SHROOM3: variants seen among roughly 807,000 people sequenced by gnomAD.
SHROOM3 encodes the protein protein Shroom3.
In SHROOM3, 47 loss-of-function variants were observed where a neutral mutation model predicts 138.6. The ratio of observed to expected loss-of-function variants is 0.34; its 90% confidence interval spans 0.27 to 0.43. SHROOM3 has a LOEUF of 0.43. SHROOM3 is among the 20% of genes least tolerant of loss of function. The probability of loss-of-function intolerance (pLI) is 1.00; values close to 1 mark genes in which losing one functional copy is unlikely to be tolerated. For missense variants in SHROOM3, 2,491 were observed against 2,596.5 expected (o/e 0.96, Z 0.88); for synonymous variants, 1,062 against 1,063.3 (o/e 1.00, Z 0.02).
chr4:76,546,769 A>C (rs897469222), intron 1 of SHROOM3, among the ~76,000 whole-genome samples: 9 of 152,304 alleles, frequency 5.9e-5, no homozygotes, highest in African/African-American at 1.7e-4. Context: ...ACAGCAAATG[A>C]TTTGTAGGTT....
At chr4:76,486,674 C>A (rs1277601641) in intron 1 of SHROOM3, among the ~76,000 whole-genome samples, 3 of 152,192 alleles carry the variant, frequency 2.0e-5, no homozygotes, top group African/African-American at 7.2e-5. Flanking sequence ...TTGTACTCTG[C>A]ATGACTCCTG....
intron 2 of SHROOM3, among the ~76,000 whole-genome samples, chr4:76,674,523 CTCTT>C (rs1187522345): frequency 2.9e-4 from 42 of 142,830 alleles, no homozygotes; most frequent in African/African-American, 6.1e-4. Context: ...CTCTCTCTTT[CTCTT>C]TCTTTCTTTC....
At chr4:76,436,528 T>A (rs1052775854) in intron 1 of SHROOM3, among the ~76,000 whole-genome samples, 9 of 152,234 alleles carry the variant, frequency 5.9e-5, no homozygotes, top group African/African-American at 1.9e-4. Flanking sequence ...TAAAGATTAA[T>A]AACATGGTTA....
At chr4:76,679,301 C>T (rs1420735581) in intron 2 of SHROOM3, among the ~76,000 whole-genome samples, 1 of 152,180 alleles carries the variant, frequency 6.6e-6, no homozygotes, top group Non-Finnish European at 1.5e-5. Flanking sequence ...TAGTGTCTTC[C>T]ATCCCAGGTC....
At chr4:76,449,525 A>T (rs1166381808) in intron 1 of SHROOM3, among the ~76,000 whole-genome samples, 3 of 152,220 alleles carry the variant, frequency 2.0e-5, no homozygotes, top group Non-Finnish European at 4.4e-5. Flanking sequence ...GCCAAATTCC[A>T]CACAAGAAGC....
Position 76,555,664 on chromosome 4 carries a change from A to G in SHROOM3, c.224A>G (p.Glu75Gly). 1 of 1,614,110 alleles carries G rather than the reference A, an allele frequency of 6.2e-7. No individual in the cohort carries two copies. Among genetic ancestry groups the G allele is most frequent in the Non-Finnish European group, 8.5e-7 (1 of 1,180,008 alleles). The change falls in exon 2 of 11, where the codon GAG (glutamate) becomes GGG (glycine). Residue 75 changes from glutamate (E) to glycine (G), a missense_variant. Around this residue, in one of 4 missense-constraint regions of SHROOM3, gnomAD observed 284 missense variants for 322.8 expected, o/e 0.88. Transcript: ENST00000296043. ...TLSSKLQAGD[E>G]VVHINEVTLS... ...AGCTCCAAACTGCAGGCTGGGGATG[A>G]GGTTGTGCACATCAATGAGGTGACT...
rs574578446 is a variant in SHROOM3 at position 76,552,061 on chromosome 4, C to G, written c.169-3548C>G. Reference sequence around the variant, plus strand: ...TATCTTTAGTAGAGACGGGGTTTCACCGTGTTAGCCAGGATGGACTCGATC... The same window carrying G: ...TATCTTTAGTAGAGACGGGGTTTCAGCGTGTTAGCCAGGATGGACTCGATC... On this transcript the variant is annotated intron_variant, in intron 1 of 10. Coordinates refer to ENST00000296043, the MANE Select transcript of SHROOM3 (RefSeq NM_020859.4). Among the ~76,000 whole-genome samples the G allele has an allele frequency of 7.2e-5, 10 of 139,538 alleles. No homozygotes were observed. The South Asian group carries it at 1.6e-3, about 23-fold the overall frequency. 91.5% of individuals were successfully genotyped at this position (139,538 alleles called of 152,430 possible).
intron 1 of SHROOM3, among the ~76,000 whole-genome samples, chr4:76,454,698 A>T: frequency 6.6e-6 from 1 of 152,166 alleles, no homozygotes; most frequent in Non-Finnish European, 1.5e-5. Context: ...TTATTTCTGC[A>T]GTAAATGTCA....
Position 76,739,234 on chromosome 4 carries a change from A to C in SHROOM3, c.1061A>C (p.Lys354Thr). Residue 354 changes from lysine to threonine, a missense_variant, in exon 5 of 11, where the codon AAG becomes ACG. By Grantham distance (78) the Lys-to-Thr change is moderately conservative. This residue lies in a region of SHROOM3 where 1,733 missense variants were observed against 1,661.6 expected (regional missense o/e 1.04). Transcript: ENST00000296043. ...YDKWSNIPRG[K>T]GVPPPSWSQQ... ...AAATGGTCTAATATTCCTCGGGGCA[A>C]GGGAGTGCCACCCCCATCCTGGAGC... 6.2e-7 allele frequency: 1 copy of C among 1,614,102 alleles called. No individual in the cohort carries two copies. Among genetic ancestry groups the C allele is most frequent in the African/African-American group, 1.3e-5 (1 of 75,056 alleles).
rs1270077834 is a variant in SHROOM3 at position 76,770,720 on chromosome 4, G to A, written c.5444G>A (p.Gly1815Glu). Reference sequence around the variant, plus strand: ...GACATCAAGCTCAACAACGCCCTGGGAGAAGAGGTGGAGGCTCTGATCAGC... The same window carrying A: ...GACATCAAGCTCAACAACGCCCTGGAAGAAGAGGTGGAGGCTCTGATCAGC... Reference protein sequence around the residue: ...LTDIKLNNALGEEVEALISEL... With the variant: ...LTDIKLNNALEEEVEALISEL... Residue 1815 changes from glycine to glutamate, a missense_variant, in exon 10 of 11, where the codon GGA (glycine) becomes GAA (glutamate). Physicochemically the swap from Gly to Glu is moderately conservative, Grantham distance 98. Transcript: ENST00000296043. 1.2e-6 allele frequency: 2 copies of A among 1,614,082 alleles called. No individual in the cohort carries two copies. Among genetic ancestry groups the A allele is most frequent in the Non-Finnish European group, 1.7e-6 (2 of 1,180,046 alleles).
chr4:76,674,756 T>C (rs1366363707), intron 2 of SHROOM3, among the ~76,000 whole-genome samples: 1 of 152,020 alleles, frequency 6.6e-6, no homozygotes, highest in African/African-American at 2.4e-5. Context: ...GGTTTCTCCA[T>C]GTTGCCCAGG....
At position 76,459,315 on chromosome 4, in the gene SHROOM3, T is replaced by C. The variant is rs556021282; in HGVS notation, c.168+23095T>C. Reference sequence around the variant, plus strand: ...CTTTGGGAGTTTTTAACGCTAGGTTTTTCAAAGACTACATTCCTCATTAGA... The same window carrying C: ...CTTTGGGAGTTTTTAACGCTAGGTTCTTCAAAGACTACATTCCTCATTAGA... On this transcript the variant is annotated intron_variant, in intron 1 of 10. Transcript: ENST00000296043. Among the ~76,000 whole-genome samples the C allele has an allele frequency of 2.1e-3, 319 of 152,302 alleles. 3 individuals carry two copies. The highest frequency in any genetic ancestry group is 2.9e-3 in the Non-Finnish European group (200 of 68,034).
rs1409487900 is a variant in SHROOM3 at position 76,710,179 on chromosome 4, A to G, written c.347A>G (p.His116Arg). 2 of 1,614,150 alleles carry G rather than the reference A, an allele frequency of 1.2e-6. No homozygotes were observed. The highest frequency in any genetic ancestry group is 1.3e-5 in the African/African-American group (1 of 75,038). Residue 116 changes from histidine (H) to arginine (R), a missense_variant, in exon 3 of 11, where the codon CAT (histidine) becomes CGT (arginine). Coordinates refer to ENST00000296043, the MANE Select transcript of SHROOM3 (RefSeq NM_020859.4). ...AGAGATGTGTGCACAGACCCAGGCC[A>G]TGCAGATACTGGTGCCTCTAACTTC... ...VRRDVCTDPG[H>R]ADTGASNFVS...
At position 76,435,476 on chromosome 4, in the gene SHROOM3, A is replaced by G. The variant is rs1176637540; in HGVS notation, c.-577A>G. 6.6e-6 allele frequency: 1 copy of G among 152,244 alleles called. No individual in the cohort carries two copies. Among genetic ancestry groups the G allele is most frequent in the Admixed American group, 6.5e-5 (1 of 15,276 alleles). The allele number at this position is 152,244 out of a possible 1,614,324, so 9.4% of individuals were successfully genotyped here. A position where few individuals can be genotyped will look rare whatever the true frequency, so the allele number is the denominator to read the frequency against. ...AGCACAGCTTCTCTGTCTCTTCGGG[A>G]CAAGTTAGAAAATTCTGAAGTGAGC... On this transcript the variant is annotated 5_prime_UTR_variant, in exon 1 of 11. Coordinates refer to ENST00000296043, the MANE Select transcript of SHROOM3 (RefSeq NM_020859.4).
At chr4:76,520,421 CTA>C (rs149684111) in intron 1 of SHROOM3, among the ~76,000 whole-genome samples, 2 of 150,684 alleles carry the variant, frequency 1.3e-5, no homozygotes, top group Non-Finnish European at 3.0e-5. Context: ...GTGTTCTAAG[CTA>C]TATATATATA....
rs148643378 is a variant in SHROOM3 at position 76,627,227 on chromosome 4, G to A, written c.323+71464G>A. Among the ~76,000 whole-genome samples the A allele has an allele frequency of 8.0e-4, 122 of 152,216 alleles. 2 individuals are homozygous for A. The East Asian group carries it at 0.023, about 28-fold the overall frequency. ...ACTTCCAGACTCAGGAGGTTAACAC[G>A]TGAACTTCTGGAGAGCAGCCTGCAG... On this transcript the variant is annotated intron_variant, in intron 2 of 10. Transcript: ENST00000296043.
At chr4:76,748,814 CTTTTTTTTTTTT>C (rs34047499) in intron 5 of SHROOM3, among the ~76,000 whole-genome samples, 191 bp from the exon 6 acceptor site, 1 of 100,574 alleles carries the variant, frequency 9.9e-6, no homozygotes, top group East Asian at 2.7e-4. Context: ...TCTGACTCTG[CTTTTTTTTTTTT>C]TTTTTTTTTT....
rs1016882654 is a variant in SHROOM3 at position 76,568,766 on chromosome 4, T to A, written c.323+13003T>A. Among the ~76,000 whole-genome samples the A allele has an allele frequency of 5.1e-4, 78 of 152,174 alleles. 1 individual carries two copies. Among genetic ancestry groups the A allele is most frequent in the Non-Finnish European group, 2.4e-4 (16 of 67,988 alleles). ...TTGCAGTCACCTTGTTATTTGGAGG[T>A]TTGGATTTGTTTCTACTACTCCCAC... On this transcript the variant is annotated intron_variant, in intron 2 of 10. Coordinates refer to ENST00000296043, the MANE Select transcript of SHROOM3 (RefSeq NM_020859.4).
intron 1 of SHROOM3, among the ~76,000 whole-genome samples, chr4:76,550,179 T>A (rs535399592): frequency 7.9e-5 from 12 of 152,338 alleles, no homozygotes; most frequent in African/African-American, 2.4e-4. Flanking sequence ...ATATTAAAAG[T>A]ATACTAGAAT....
Sources: gnomAD v4.1 joint callset for allele counts (sites outside exome capture counted in the v4.1 genomes callset) on GRCh38, gnomAD v4.1.1 for gene constraint, gnomAD v4.1.1 regional missense constraint, MANE v1.5 for transcripts, NCBI Gene and HGNC (gene_info 2026-07-23, HGNC 2026-07-21) for gene names.